Variants in IMMT observed in about 807,000 individuals in gnomAD.
IMMT encodes the protein inner membrane mitochondrial protein.
Under a neutral mutation model 92.7 loss-of-function variants are expected in IMMT, and 40 were observed. That is an observed-to-expected ratio of 0.43 (90% confidence interval 0.34 to 0.56). IMMT has a LOEUF of 0.56. IMMT is among the 20% of genes least tolerant of loss of function. The pLI is 0.03. For synonymous variants in IMMT, 322 were observed against 336.1 expected, an observed-to-expected ratio of 0.96 and a Z score of 0.46; for missense variants, 831 against 912.1, an observed-to-expected ratio of 0.91 and a Z score of 1.14.
chr2:86,179,521 C>T lies in IMMT; in HGVS notation c.221G>A (p.Ser74Asn). 1.9e-6 allele frequency: 3 copies of T among 1,613,432 alleles called. No individual in the cohort carries two copies. The highest frequency in any genetic ancestry group is 1.7e-6 in the Non-Finnish European group (2 of 1,179,666). The change falls in exon 3 of 15, where the codon AGT becomes AAT. Residue 74 changes from serine (S) to asparagine (N), a missense_variant. Transcript: ENST00000410111. ...YAKWDSHFRE[S>N]VEKTIPYSDK... is the part of the protein sequence containing the mutation. Reference sequence around the variant, plus strand: ...TGAGTAAGGTATGGTTTTCTCTACACTTTCCCGGAAATGGGAATCCCATTT... The same window carrying T: ...TGAGTAAGGTATGGTTTTCTCTACATTTTCCCGGAAATGGGAATCCCATTT...
At chr2:86,191,708 C>G (rs1276546041) in intron 1 of IMMT, among the ~76,000 whole-genome samples, 1 of 143,766 alleles carries the variant, frequency 7.0e-6, no homozygotes, top group Non-Finnish European at 1.5e-5. Context: ...TCGAGACTAT[C>G]CTGGCTAACA....
chr2:86,182,012 T>G (rs1313536954), intron 1 of IMMT, among the ~76,000 whole-genome samples: 1 of 152,216 alleles, frequency 6.6e-6, no homozygotes. Flanking sequence ...ATATAACTAG[T>G]CTATCCTTAC....
In IMMT at chr2:86,173,684, T is replaced by C. The variant is rs367741039; in HGVS notation, c.387A>G (p.Gln129=). 2.3e-5 allele frequency: 37 copies of C among 1,605,446 alleles called. No homozygotes were observed. Among genetic ancestry groups the C allele is most frequent in the Non-Finnish European group, 3.1e-5 (36 of 1,172,558 alleles). Residue 129 remains glutamine, a synonymous_variant, in exon 4 of 15, where the codon CAA becomes CAG. Transcript: ENST00000410111. Reference sequence around the variant, plus strand: ...AAGCTGGAGTATCTCCCTTTTGTTTTTGGAGTTGTGAGGCAGGCTGTTTAG... The same window carrying C: ...AAGCTGGAGTATCTCCCTTTTGTTTCTGGAGTTGTGAGGCAGGCTGTTTAG... The part of the protein sequence containing the change: ...KESKQPASQL[Q]KQKGDTPASA...
chr2:86,154,816 C>A (rs926274376), intron 10 of IMMT, among the ~76,000 whole-genome samples: 1 of 152,150 alleles, frequency 6.6e-6, no homozygotes. Context: ...GGGAATGCAG[C>A]CAGTCGCAGC....
chr2:86,180,432 A>AT (rs1293751078), intron 2 of IMMT, among the ~76,000 whole-genome samples: 1 of 151,662 alleles, frequency 6.6e-6, no homozygotes, highest in Non-Finnish European at 1.5e-5. Context: ...CGCCCGGCTA[A>AT]TTTTTTTATT....
At chr2:86,171,831 G>A (rs1677105373) in intron 4 of IMMT, among the ~76,000 whole-genome samples, 1 of 148,002 alleles carries the variant, frequency 6.8e-6, no homozygotes, top group Non-Finnish European at 1.5e-5. Context: ...ATCAAGAACA[G>A]AACTGAGTTA....
intron 3 of IMMT, 52 bp from the exon 4 acceptor site, chr2:86,173,813 A>C (rs903826719): frequency 2.1e-5 from 20 of 961,008 alleles, no homozygotes; most frequent in Non-Finnish European, 3.0e-5. Flanking sequence ...TTTTTTAAAA[A>C]GGTACAGTGA....
At chr2:86,180,329 G>C (rs12998164) in intron 2 of IMMT, among the ~76,000 whole-genome samples, 69,756 of 151,582 alleles carry the variant, frequency 0.46, 16,599 homozygotes, top group Non-Finnish European at 0.51. Flanking sequence ...GCGATGGCAC[G>C]ATCTTGGCTC....
Position 86,181,296 on chromosome 2 carries a change from T to C in IMMT, c.119+3A>G, listed in dbSNP as rs1672418526. The C allele has an allele frequency of 6.2e-7, 1 of 1,610,772 alleles. No individual in the cohort carries two copies. Among genetic ancestry groups the C allele is most frequent in the Middle Eastern group, 1.7e-4 (1 of 6,056 alleles). The stretch of plus-strand genomic sequence containing the variant: ...CCTGGTTATAGGGAGACATAATACA[T>C]ACCCAGAGCTGCCTGAAGTAGAGTA... On this transcript the variant is annotated splice_donor_region_variant and intron_variant, in intron 2 of 14. Coordinates refer to ENST00000410111, the MANE Select transcript of IMMT (RefSeq NM_006839.3).
At chr2:86,185,728 T>C (rs933046704) in intron 1 of IMMT, among the ~76,000 whole-genome samples, 1 of 152,176 alleles carries the variant, frequency 6.6e-6, no homozygotes, top group African/African-American at 2.4e-5. Flanking sequence ...CTGGCTTATA[T>C]TTAAAGTGAA....
chr2:86,166,246 G>A (rs1357748287), intron 7 of IMMT, among the ~76,000 whole-genome samples: 3 of 152,092 alleles, frequency 2.0e-5, no homozygotes, highest in African/African-American at 4.8e-5. Context: ...CAGGAGAATC[G>A]CTTGAACCTG....
chr2:86,144,099 A>G lies in IMMT; in HGVS notation c.*169T>C, dbSNP rs1333602685. ...GAAAGCACTCCTGGCGTTCACTGACATGATAGCAAATGGAAAGAATATAAA... is the reference window on the plus strand; with the variant it reads ...GAAAGCACTCCTGGCGTTCACTGACGTGATAGCAAATGGAAAGAATATAAA... On this transcript the variant is annotated 3_prime_UTR_variant, in exon 15 of 15. Transcript: ENST00000410111. The G allele has an allele frequency of 9.5e-6, 7 of 738,356 alleles. No homozygotes were observed. The highest frequency in any genetic ancestry group is 1.5e-5 in the Non-Finnish European group (7 of 462,282). 45.7% of individuals were successfully genotyped at this position (738,356 alleles called of 1,614,324 possible). A position where few individuals can be genotyped will look rare whatever the true frequency, so the allele number is the denominator to read the frequency against.
intron 1 of IMMT, among the ~76,000 whole-genome samples, chr2:86,193,321 T>C: frequency 6.6e-6 from 1 of 151,330 alleles, no homozygotes. Context: ...GTAAGAGGAT[T>C]GCTTGCGCTC....
Position 86,180,862 on chromosome 2 carries a change from G to A in IMMT, c.119+437C>T, listed in dbSNP as rs538466835. On this transcript the variant is annotated intron_variant, in intron 2 of 14. Transcript: ENST00000410111. ...AGATCCAGCCACTGCACTCCAGCCT[G>A]GGCAACAGAGCGAGACTCTGTCTTT... Among the ~76,000 whole-genome samples, 3 of 151,874 alleles carry A rather than the reference G, an allele frequency of 2.0e-5. No individual in the cohort carries two copies. In the South Asian group the frequency reaches 6.2e-4, roughly 32 times the overall value.
intron 1 of IMMT, among the ~76,000 whole-genome samples, chr2:86,187,643 G>A (rs182234701): frequency 5.9e-5 from 9 of 152,068 alleles, no homozygotes; most frequent in Admixed American, 1.3e-4. Context: ...AGGCTCAGTC[G>A]CTCACGCCTG....
intron 7 of IMMT, among the ~76,000 whole-genome samples, chr2:86,165,500 T>C (rs888970528): frequency 2.0e-5 from 3 of 152,222 alleles, no homozygotes; most frequent in African/African-American, 7.2e-5. Flanking sequence ...ACTGAAACAA[T>C]GTAAAGTGTG....
chr2:86,153,566 C>G lies in IMMT; in HGVS notation c.1171G>C (p.Asp391His). Residue 391 changes from aspartate (D) to histidine (H), a missense_variant, in exon 11 of 15, where the codon GAC (aspartate) becomes CAC (histidine). Coordinates refer to ENST00000410111, the MANE Select transcript of IMMT (RefSeq NM_006839.3). ...AAATATACATAACACTCACCTAAGT[C>G]TGAAACACCTACAAAGGAAAAAATA... ...LPGWKGMSVS[D>H]LADKLSTDDL... 6.8e-7 allele frequency: 1 copy of G among 1,478,842 alleles called. No homozygotes were observed. The highest frequency in any genetic ancestry group is 9.1e-7 in the Non-Finnish European group (1 of 1,095,374). The allele number at this position is 1,478,842 out of a possible 1,614,324, so 91.6% of individuals were successfully genotyped here.
intron 1 of IMMT, among the ~76,000 whole-genome samples, chr2:86,190,236 CT>C (rs1162464712): frequency 6.6e-6 from 1 of 152,180 alleles, no homozygotes; most frequent in East Asian, 1.9e-4. Context: ...CTGCCTATCT[CT>C]ATCACTGAGT....
At chr2:86,165,279 T>C (rs1676594829) in intron 7 of IMMT, among the ~76,000 whole-genome samples, 2 of 152,212 alleles carry the variant, frequency 1.3e-5, no homozygotes, top group South Asian at 2.1e-4. Flanking sequence ...CCCAACACCC[T>C]TACATCACGC....
Sources: allele counts gnomAD v4.1 joint callset (sites outside exome capture counted in the v4.1 genomes callset), GRCh38; gene constraint gnomAD v4.1.1; transcripts MANE v1.5; gene names NCBI Gene and HGNC (gene_info 2026-07-23, HGNC 2026-07-21).